Variants in UNC5C observed in about 807,000 individuals in gnomAD.
The protein encoded by UNC5C is netrin receptor UNC5C.
A neutral mutation model predicts 99.8 loss-of-function variants in UNC5C; 47 were observed. The ratio of observed to expected loss-of-function variants is 0.47; its 90% CI spans 0.37 to 0.60. UNC5C has a LOEUF of 0.60. Ranked by LOEUF, UNC5C falls within the 20% of genes least tolerant of loss-of-function variation. UNC5C has a pLI of 0.00. For missense variants in UNC5C, 1,062 were observed against 1,165.9 expected, an observed-to-expected ratio of 0.91 and a Z score of 1.30; for synonymous variants, 487 against 452.2, an observed-to-expected ratio of 1.08 and a Z score of -0.98.
intron 3 of UNC5C, among the ~76,000 whole-genome samples, chr4:95,292,662 A>G (rs1443461499): frequency 2.0e-5 from 3 of 152,208 alleles, no homozygotes; most frequent in Non-Finnish European, 4.4e-5. Context: ...CAGAAACGTA[A>G]TAAGTACAAG....
chr4:95,503,311 A>T (rs114255003), intron 1 of UNC5C, among the ~76,000 whole-genome samples: 1 of 152,084 alleles, frequency 6.6e-6, no homozygotes, highest in Non-Finnish European at 1.5e-5. Context: ...GTACCTTAAT[A>T]TTGAACTTCC....
At chr4:95,331,658 G>C (rs1743117306) in intron 2 of UNC5C, among the ~76,000 whole-genome samples, 1 of 151,972 alleles carries the variant, frequency 6.6e-6, no homozygotes. Context: ...ATGAAAACAT[G>C]CAAACTATTT....
chr4:95,225,502 A>G (rs749828239), intron 7 of UNC5C, among the ~76,000 whole-genome samples: 1 of 152,186 alleles, frequency 6.6e-6, no homozygotes, highest in Non-Finnish European at 1.5e-5. Context: ...TCTATAACAC[A>G]TGGCTTGGGA....
intron 1 of UNC5C, among the ~76,000 whole-genome samples, chr4:95,417,959 C>T (rs759906115): frequency 2.0e-4 from 30 of 152,164 alleles, no homozygotes; most frequent in Admixed American, 5.9e-4. Flanking sequence ...TAGACTCTTG[C>T]TGTATTTTGT....
intron 3 of UNC5C, among the ~76,000 whole-genome samples, chr4:95,279,767 G>A (rs575049166): frequency 1.7e-4 from 26 of 152,226 alleles, no homozygotes; most frequent in Non-Finnish European, 2.9e-5. Flanking sequence ...TTGAACTAGC[G>A]AGTGGAAACC....
chr4:95,211,748 T>C (rs1482450466), intron 10 of UNC5C, among the ~76,000 whole-genome samples: 14 of 152,230 alleles, frequency 9.2e-5, no homozygotes, highest in Admixed American at 9.2e-4. Context: ...AACTTTATTT[T>C]CCCCATTTTC....
chr4:95,234,509 C>A (rs1739034679), intron 7 of UNC5C, among the ~76,000 whole-genome samples: 1 of 151,992 alleles, frequency 6.6e-6, no homozygotes, highest in Non-Finnish European at 1.5e-5. Context: ...CTTTCTTATT[C>A]AATGCAATCC....
At chr4:95,475,592 T>C (rs1340327845) in intron 1 of UNC5C, among the ~76,000 whole-genome samples, 2 of 152,010 alleles carry the variant, frequency 1.3e-5, no homozygotes, top group Non-Finnish European at 2.9e-5. Context: ...ATTCAAAATA[T>C]AAAGTCAGAA....
chr4:95,487,144 T>C (rs982251293), intron 1 of UNC5C, among the ~76,000 whole-genome samples: 3 of 151,754 alleles, frequency 2.0e-5, no homozygotes, highest in Non-Finnish European at 4.4e-5. Context: ...CATTCTGTGG[T>C]ATTCTGTTAT....
At chr4:95,321,008 CT>C (rs1742667744) in intron 2 of UNC5C, among the ~76,000 whole-genome samples, 1 of 152,112 alleles carries the variant, frequency 6.6e-6, no homozygotes, top group Non-Finnish European at 1.5e-5. Context: ...TGAAACACAA[CT>C]TGCTAAAATT....
At chr4:95,282,318 G>A in intron 3 of UNC5C, among the ~76,000 whole-genome samples, 1 of 152,180 alleles carries the variant, frequency 6.6e-6, no homozygotes, top group South Asian at 2.1e-4. Flanking sequence ...TCATAGGAGA[G>A]AAGTCATTGG....
At chr4:95,229,044 A>G (rs2149372221) in intron 7 of UNC5C, among the ~76,000 whole-genome samples, 1 of 152,288 alleles carries the variant, frequency 6.6e-6, no homozygotes, top group African/African-American at 2.4e-5. Flanking sequence ...TAAAGGAGAA[A>G]CATCATTTCC....
chr4:95,176,973 G>A (rs1462672330), intron 14 of UNC5C, among the ~76,000 whole-genome samples: 1 of 150,346 alleles, frequency 6.7e-6, no homozygotes, highest in African/African-American at 2.4e-5. Flanking sequence ...CGTGGGAAAA[G>A]CGCAGTACTT....
chr4:95,525,596 T>TAAAAAAAAAAAAAAAAAAAAAA (rs574532435), intron 1 of UNC5C, among the ~76,000 whole-genome samples: 7 of 102,164 alleles, frequency 6.9e-5, no homozygotes, highest in African/African-American at 1.2e-4. Context: ...GCCTATTTCT[T>TAAAAAAAAAAAAAAAAAAAAAA]AAAAAAAAAA....
At chr4:95,382,332 G>A (rs561362436) in intron 1 of UNC5C, among the ~76,000 whole-genome samples, 59 of 151,758 alleles carry the variant, frequency 3.9e-4, no homozygotes, top group Non-Finnish European at 7.4e-4. Context: ...AATTAGCCAG[G>A]CATAGTGGCA....
chr4:95,206,483 C>T, intron 11 of UNC5C, 145 bp downstream of exon 11: 2 of 1,153,214 alleles, frequency 1.7e-6, no homozygotes, highest in Non-Finnish European at 2.4e-6. Context: ...AGGAACTAGT[C>T]TGCCTGCCTG....
chr4:95,456,566 G>A (rs1237941363), intron 1 of UNC5C, among the ~76,000 whole-genome samples: 2 of 152,002 alleles, frequency 1.3e-5, no homozygotes, highest in Non-Finnish European at 2.9e-5. Context: ...TTGATTTTCA[G>A]ATAACAGATA....
chr4:95,470,414 T>TG (rs1445905378), intron 1 of UNC5C, among the ~76,000 whole-genome samples: 1 of 152,096 alleles, frequency 6.6e-6, no homozygotes, highest in East Asian at 1.9e-4. Flanking sequence ...CAGTTTACCT[T>TG]GGGTTACCTG....
rs1434414916 is a variant in UNC5C, at chr4:95,318,656, A to G, written c.346+16754T>C. ...CATTGTCCAGGGTCATCCAGGGTGTAGCTATAAAAAGAGGCATGCCATTCA... is the reference window on the plus strand; with the variant it reads ...CATTGTCCAGGGTCATCCAGGGTGTGGCTATAAAAAGAGGCATGCCATTCA... On this transcript the variant is annotated intron_variant, in intron 2 of 15. Transcript: ENST00000453304. 2.0e-5 allele frequency among the ~76,000 whole-genome samples: 3 copies of G among 152,150 alleles called. No homozygotes were observed. The East Asian group carries it at 5.8e-4, about 29-fold the overall frequency.
Sources: allele counts gnomAD v4.1 joint callset (sites outside exome capture counted in the v4.1 genomes callset), GRCh38; gene constraint gnomAD v4.1.1; transcripts MANE v1.5; gene names NCBI Gene and HGNC (gene_info 2026-07-23, HGNC 2026-07-21).